Variants in METTL15 observed in about 807,000 individuals in gnomAD.
The protein encoded by METTL15 is methyltransferase 15, mitochondrial 12S rRNA N4-cytidine, also known as 12S rRNA N(4)-cytidine methyltransferase METTL15.
Under a neutral mutation model 38.3 loss-of-function variants are expected in METTL15, and 34 were observed. The observed-to-expected ratio is 0.89, with a 90% confidence interval of 0.68 to 1.18. The LOEUF (loss-of-function observed/expected upper bound fraction) is 1.18. Among genes scored for constraint, METTL15 ranks in the 50% most tolerant of loss-of-function variants. The pLI is 0.00. For synonymous variants in METTL15, 162 were observed against 170.9 expected, an observed-to-expected ratio of 0.95 and a Z score of 0.41; for missense variants, 438 against 498.4, an observed-to-expected ratio of 0.88 and a Z score of 1.15.
At chr11:28,129,178 A>G (rs1028793828) in intron 3 of METTL15, among the ~76,000 whole-genome samples, 1 of 152,196 alleles carries the variant, frequency 6.6e-6, no homozygotes, top group African/African-American at 2.4e-5. Context: ...GGAATCTTTT[A>G]GATGCTATTC....
intron 6 of METTL15, among the ~76,000 whole-genome samples, chr11:28,491,320 A>T (rs150683467): frequency 3.1e-4 from 47 of 152,252 alleles, no homozygotes; most frequent in Admixed American, 4.6e-4. Context: ...TTCATTCTTG[A>T]TTCTAGAAGG....
At chr11:28,392,648 A>C (rs546569545) in intron 5 of METTL15, among the ~76,000 whole-genome samples, 1 of 152,290 alleles carries the variant, frequency 6.6e-6, no homozygotes, top group East Asian at 1.9e-4. Flanking sequence ...AAGCAAAAGC[A>C]GACAAATGGT....
chr11:28,128,391 A>G (rs1239015606), intron 3 of METTL15, among the ~76,000 whole-genome samples: 4 of 152,160 alleles, frequency 2.6e-5, no homozygotes, highest in Non-Finnish European at 1.5e-5. Context: ...CTAGAAATTG[A>G]AAATAGTTTG....
chr11:28,290,047 G>T (rs551975200), intron 4 of METTL15, among the ~76,000 whole-genome samples, 159 bp from the exon 5 acceptor site: 1 of 152,242 alleles, frequency 6.6e-6, no homozygotes, highest in East Asian at 1.9e-4. Flanking sequence ...AAGATGTATA[G>T]TTTCCATATC....
At chr11:28,341,427 C>G (rs1197965929) in intron 3 of METTL15, among the ~76,000 whole-genome samples, 1 of 152,050 alleles carries the variant, frequency 6.6e-6, no homozygotes, top group Non-Finnish European at 1.5e-5. Context: ...TTTAATCATT[C>G]TTTGAAAATG....
intron 3 of METTL15, among the ~76,000 whole-genome samples, chr11:28,128,965 C>T (rs1328473208): frequency 6.6e-6 from 1 of 152,118 alleles, no homozygotes; most frequent in East Asian, 1.9e-4. Context: ...TCTAATGACT[C>T]AGACTGGGGG....
At chr11:28,238,036 GC>G in intron 4 of METTL15, among the ~76,000 whole-genome samples, 1 of 152,198 alleles carries the variant, frequency 6.6e-6, no homozygotes, top group Non-Finnish European at 1.5e-5. Flanking sequence ...TCCCAGTTAG[GC>G]TGCTCGGGGG....
chr11:28,478,069 AC>A (rs1383144507), intron 6 of METTL15, among the ~76,000 whole-genome samples: 1 of 151,934 alleles, frequency 6.6e-6, no homozygotes, highest in Admixed American at 6.6e-5. Flanking sequence ...ACTCTCTTAT[AC>A]CCCAGCTATA....
At chr11:28,408,265 A>C (rs1374552391) in intron 5 of METTL15, among the ~76,000 whole-genome samples, 2 of 152,202 alleles carry the variant, frequency 1.3e-5, no homozygotes, top group African/African-American at 4.8e-5. Flanking sequence ...ACCCACGTTT[A>C]CCTAAGTAAC....
intron 4 of METTL15, among the ~76,000 whole-genome samples, chr11:28,242,553 G>T (rs1238335633): frequency 6.6e-6 from 1 of 152,058 alleles, no homozygotes; most frequent in Non-Finnish European, 1.5e-5. Flanking sequence ...AAGTCATATG[G>T]TAGTTTCCTT....
At chr11:28,517,168 A>C (rs1267721866) in intron 6 of METTL15, 1 of 152,208 alleles carries the variant, frequency 6.6e-6, no homozygotes, top group African/African-American at 2.4e-5. Context: ...AAAATGCTGC[A>C]TATGCCATGA....
intron 6 of METTL15, among the ~76,000 whole-genome samples, chr11:28,485,449 G>A (rs192946954): frequency 1.9e-4 from 29 of 152,012 alleles, no homozygotes; most frequent in African/African-American, 5.6e-4. Context: ...AAACCAAATC[G>A]CTAAGAAGAG....
chr11:28,380,120 A>G (rs1232063024), intron 5 of METTL15, among the ~76,000 whole-genome samples: 2 of 151,246 alleles, frequency 1.3e-5, no homozygotes, highest in Non-Finnish European at 2.9e-5. Context: ...GTTTCTTCTA[A>G]GCAACATATA....
chr11:28,232,346 A>C (rs1415477395), intron 4 of METTL15, among the ~76,000 whole-genome samples: 1 of 151,806 alleles, frequency 6.6e-6, no homozygotes, highest in African/African-American at 2.4e-5. Context: ...TATGGGAATT[A>C]TATATATTAT....
chr11:28,229,786 A>C (rs1348011711), intron 4 of METTL15, among the ~76,000 whole-genome samples: 1 of 152,036 alleles, frequency 6.6e-6, no homozygotes, highest in East Asian at 1.9e-4. Flanking sequence ...AAATGGACTG[A>C]GACAGCGTGT....
intron 3 of METTL15, among the ~76,000 whole-genome samples, chr11:28,168,262 T>G (rs1420691634): frequency 6.6e-6 from 1 of 151,804 alleles, no homozygotes; most frequent in Non-Finnish European, 1.5e-5. Context: ...AAACTCACAG[T>G]CCAGTGTAGA....
intron 6 of METTL15, among the ~76,000 whole-genome samples, chr11:28,513,510 C>T (rs1026718036): frequency 1.3e-5 from 2 of 152,082 alleles, no homozygotes; most frequent in African/African-American, 2.4e-5. Context: ...GAGACCAGCT[C>T]GGTTGGGGAG....
intron 6 of METTL15, among the ~76,000 whole-genome samples, chr11:28,493,558 G>T (rs1851513746): frequency 1.3e-5 from 2 of 152,070 alleles, no homozygotes; most frequent in Admixed American, 1.3e-4. Context: ...GAAAATTCTG[G>T]GCAGAGAGGA....
intron 6 of METTL15, among the ~76,000 whole-genome samples, chr11:28,319,438 A>G (rs1849382921): frequency 6.6e-6 from 1 of 151,848 alleles, no homozygotes; most frequent in Non-Finnish European, 1.5e-5. Flanking sequence ...ACACACATAT[A>G]TATAATAAAA....
Sources: allele counts gnomAD v4.1 joint callset (sites outside exome capture counted in the v4.1 genomes callset), GRCh38; gene constraint gnomAD v4.1.1; transcripts MANE v1.5; gene names NCBI Gene and HGNC (gene_info 2026-07-23, HGNC 2026-07-21).